CYLC1: variants seen among roughly 807,000 people sequenced by gnomAD.
The protein encoded by CYLC1 is cylicin-1.
CYLC1 carries 2 observed loss-of-function variants against 31.6 expected under a neutral mutation model. The ratio of observed to expected loss-of-function variants is 0.06; its 90% confidence interval spans 0.03 to 0.20. The LOEUF is 0.20. Among genes scored for constraint, CYLC1 ranks in the 10% least tolerant of loss-of-function variants. The pLI, the probability that CYLC1 is intolerant of heterozygous loss-of-function variation, is 1.00. For missense variants in CYLC1, 595 were observed against 424.1 expected (o/e 1.40, Z -3.54); for synonymous variants, 185 against 153.0 (o/e 1.21, Z -1.54).
At position 83,875,048 on chromosome X, in the gene CYLC1, A is replaced by G. The variant is rs531752880; in HGVS notation, c.1923+417A>G. Among the ~76,000 whole-genome samples the G allele has an allele frequency of 4.5e-5, 5 of 111,598 alleles. No individual in the cohort carries two copies. In the South Asian group the frequency reaches 1.8e-3, roughly 41 times the overall value. On this transcript the variant is annotated intron_variant, in intron 4 of 4. Transcript: ENST00000329312. ...GCTGAATACAGTAAAAGCTAGATTA[A>G]CCAAAATTCATACATAGCAGGTGGA...
In CYLC1 at chrX:83,886,474, T is replaced by C. The variant is rs781426986; in HGVS notation, c.1924-78T>C. The C allele has an allele frequency of 1.9e-5, 18 of 949,424 alleles. No individual in the cohort carries two copies. The South Asian group carries it at 3.7e-4, about 20-fold the overall frequency. The allele number at this position is 949,424 out of a possible 1,213,427, so 78.2% of individuals were successfully genotyped here. A position where few individuals can be genotyped will look rare whatever the true frequency, so the allele number is the denominator to read the frequency against. On this transcript the variant is annotated intron_variant, in intron 4 of 4. Coordinates refer to ENST00000329312, the MANE Select transcript of CYLC1 (RefSeq NM_021118.3). ...ACAGTCTGTGCTTTCGTGTGATCCT[T>C]AACACATCATAGTTGTCTTGATTAA... is the stretch of plus-strand genomic sequence containing the variant.
Position 83,873,939 on chromosome X carries a change from T to C in CYLC1, c.1231T>C (p.Ser411Pro). 8.4e-7 allele frequency: 1 copy of C among 1,185,885 alleles called. No individual in the cohort carries two copies. The highest frequency in any genetic ancestry group is 1.8e-5 in the African/African-American group (1 of 56,408). ...AATTACATTCTCTACTGATTCTGAA[T>C]CTGAACTGGAGTCAAAGGAGAGTCA... ...KKITFSTDSE[S>P]ELESKESQKD... The change falls in exon 4 of 5, where the codon TCT (serine) becomes CCT (proline). Residue 411 changes from serine (S) to proline (P), a missense_variant. Ser to Pro is a moderately conservative substitution (Grantham distance 74). Transcript: ENST00000329312.
At chrX:83,882,437 CT>C (rs1253320915) in intron 4 of CYLC1, among the ~76,000 whole-genome samples, 1 of 110,251 alleles carries the variant, frequency 9.1e-6, no homozygotes, top group Non-Finnish European at 1.9e-5. Flanking sequence ...TTAAAAAGTG[CT>C]CTTTTAATAG....
intron 4 of CYLC1, among the ~76,000 whole-genome samples, chrX:83,876,149 T>G (rs957807947): frequency 8.1e-5 from 9 of 110,853 alleles, no homozygotes; most frequent in Non-Finnish European, 1.3e-4. Flanking sequence ...TAATATTTTT[T>G]GGAAGATAAA....
intron 4 of CYLC1, among the ~76,000 whole-genome samples, chrX:83,878,013 TATAAAAATATATATATTTGTATATAA>T: frequency 1.5e-5 from 1 of 66,700 alleles, no homozygotes; most frequent in East Asian, 4.7e-4. Context: ...TAAATATATA[TATAAAAATATATATATTTGTATATAA>T]ATATAAATAT....
chrX:83,868,697 C>G (rs1033574833), intron 1 of CYLC1, among the ~76,000 whole-genome samples: 1 of 110,977 alleles, frequency 9.0e-6, no homozygotes, highest in Admixed American at 9.6e-5. Context: ...ATTTGTGTGA[C>G]TTTATCTATA....
At chrX:83,877,257 C>T (rs1050131428) in intron 4 of CYLC1, among the ~76,000 whole-genome samples, 6 of 110,946 alleles carry the variant, frequency 5.4e-5, no homozygotes, top group African/African-American at 2.0e-4. Context: ...CCATTACTAC[C>T]ACCTTCGTTG....
In CYLC1 at chrX:83,874,159, C is replaced by T. The variant is rs747450671; in HGVS notation, c.1451C>T (p.Thr484Ile). 2 of 1,202,488 alleles carry T rather than the reference C, an allele frequency of 1.7e-6. No individual in the cohort carries two copies. Among genetic ancestry groups the T allele is most frequent in the African/African-American group, 3.5e-5 (2 of 56,930 alleles). The change falls in exon 4 of 5, where the codon ACT (threonine) becomes ATT (isoleucine). Residue 484 changes from threonine (T) to isoleucine (I), a missense_variant. By Grantham distance (89) the Thr-to-Ile change is moderately conservative. Coordinates refer to ENST00000329312, the MANE Select transcript of CYLC1 (RefSeq NM_021118.3). ...GATGCAAAGAAAAATGCAGAATCTA[C>T]TGAAATGGAATCTGATTTGGAGTTA... Reference protein sequence around the residue: ...KKDAKKNAESTEMESDLELKK... With the variant: ...KKDAKKNAESIEMESDLELKK...
chrX:83,880,651 A>G (rs2031895165), intron 4 of CYLC1, among the ~76,000 whole-genome samples: 1 of 111,415 alleles, frequency 9.0e-6, no homozygotes, highest in Non-Finnish European at 1.9e-5. Flanking sequence ...TTTCTCAAGT[A>G]TAAAATGGGA....
chrX:83,880,354 G>A (rs184804100), intron 4 of CYLC1, among the ~76,000 whole-genome samples: 59 of 111,716 alleles, frequency 5.3e-4, no homozygotes, highest in Middle Eastern at 4.6e-3. Flanking sequence ...AACTGTCATC[G>A]ATGTCCAAAT....
chrX:83,876,971 C>T (rs1011637772), intron 4 of CYLC1, among the ~76,000 whole-genome samples: 5 of 110,679 alleles, frequency 4.5e-5, no homozygotes, highest in South Asian at 3.8e-4. Context: ...AATTGAGCTC[C>T]AAAATCTCTC....
Position 83,873,162 on chromosome X carries a change from A to G in CYLC1, c.454A>G (p.Thr152Ala). 5 of 1,204,433 alleles carry G rather than the reference A, an allele frequency of 4.2e-6. No homozygotes were observed. Among genetic ancestry groups the G allele is most frequent in the South Asian group, 1.8e-5 (1 of 55,623 alleles). Residue 152 changes from threonine (T) to alanine (A), a missense_variant, in exon 4 of 5, where the codon ACT becomes GCT. Physicochemically the swap from Thr to Ala is moderately conservative, Grantham distance 58 (BLOSUM62 0). Coordinates refer to ENST00000329312, the MANE Select transcript of CYLC1 (RefSeq NM_021118.3). ...ATCCAAGCAAATAGTAGAAGAGAAA[A>G]CTAAAAGACAAAATGAGGCAGATAA... ...PESKQIVEEK[T>A]KRQNEADKTP...
rs1475752371 is a variant in CYLC1 at position 83,877,920 on chromosome X, A to ATATATATAAATATATATATATATTTG, written c.1923+3295_1923+3296insTAAATATATATATATATTTGTATATA. Reference sequence around the variant, plus strand: ...TACAAATATATATAAATATATATATATATATAAATATAAATATATATATTT... The same window carrying ATATATATAAATATATATATATATTTG: ...TACAAATATATATAAATATATATATATATATATAAATATATATATATATTTGTATATAAATATAAATATATATATTT... On this transcript the variant is annotated intron_variant, in intron 4 of 4. Transcript: ENST00000329312. 3.6e-3 allele frequency among the ~76,000 whole-genome samples: 289 copies of ATATATATAAATATATATATATATTTG among 80,648 alleles called. 23 individuals are homozygous for ATATATATAAATATATATATATATTTG. The highest frequency in any genetic ancestry group is 0.013 in the South Asian group (23 of 1,761). The allele number at this position is 80,648 out of a possible 115,157, so 70.0% of individuals were successfully genotyped here. A position where few individuals can be genotyped will look rare whatever the true frequency, so the allele number is the denominator to read the frequency against.
chrX:83,879,025 G>T (rs1362795410), intron 4 of CYLC1, among the ~76,000 whole-genome samples: 1 of 109,387 alleles, frequency 9.1e-6, no homozygotes, highest in Admixed American at 1.0e-4. Context: ...ATTTACATTT[G>T]ATATTATGTT....
At chrX:83,868,542 G>A (rs1273834638) in intron 1 of CYLC1, among the ~76,000 whole-genome samples, 1 of 110,518 alleles carries the variant, frequency 9.0e-6, no homozygotes. Context: ...TTCAGCTTTA[G>A]GTCTTCAGTC....
chrX:83,868,549 AGTCT>A (rs753569750), intron 1 of CYLC1, among the ~76,000 whole-genome samples: 8 of 110,885 alleles, frequency 7.2e-5, no homozygotes, highest in African/African-American at 2.6e-4. Flanking sequence ...TTAGGTCTTC[AGTCT>A]ATCTGAGACT....
chrX:83,880,098 G>C (rs924011283), intron 4 of CYLC1, among the ~76,000 whole-genome samples: 1 of 111,732 alleles, frequency 8.9e-6, no homozygotes, highest in African/African-American at 3.3e-5. Flanking sequence ...ATTTATTAAA[G>C]TATCTTTGCA....
rs748578403 is a variant in CYLC1 at position 83,873,044 on chromosome X, A to T, written c.336A>T (p.Lys112Asn). ...HLYTSKTHLK[K>N]AEYKKSKDEK... ...ATACTTCCAAAACCCATCTTAAAAA[A>T]GCAGAATATAAAAAGTCCAAAGATG... The change falls in exon 4 of 5, where the codon AAA becomes AAT. Residue 112 changes from lysine to asparagine, a missense_variant. By Grantham distance (94) the Lys-to-Asn change is moderately conservative. Coordinates refer to ENST00000329312, the MANE Select transcript of CYLC1 (RefSeq NM_021118.3). The T allele has an allele frequency of 8.3e-7, 1 of 1,202,281 alleles. No individual in the cohort carries two copies.
rs774005072 is a variant in CYLC1, at chrX:83,874,218, G to A, written c.1510G>A (p.Gly504Ser). 7.5e-6 allele frequency: 9 copies of A among 1,205,859 alleles called. No individual in the cohort carries two copies. The South Asian group carries it at 1.4e-4, about 19-fold the overall frequency. ...CAAGAAACACTCAAAGGAAAAGAAA[G>A]GTTCAAAGAAAGATATCAAGAAGGA... The part of the protein sequence containing the change: ...KDKKHSKEKK[G>S]SKKDIKKDAR... The change falls in exon 4 of 5, where the codon GGT (glycine) becomes AGT (serine). Residue 504 changes from glycine to serine, a missense_variant. Coordinates refer to ENST00000329312, the MANE Select transcript of CYLC1 (RefSeq NM_021118.3).
Sources: gnomAD v4.1 joint callset for allele counts (sites outside exome capture counted in the v4.1 genomes callset) on GRCh38, gnomAD v4.1.1 for gene constraint, MANE v1.5 for transcripts, NCBI Gene and HGNC (gene_info 2026-07-23, HGNC 2026-07-21) for gene names.